Variants in SEMA3B observed in about 807,000 individuals in gnomAD.
SEMA3B encodes semaphorin 3B.
Under a neutral mutation model 77.8 loss-of-function variants are expected in SEMA3B, and 71 were observed. That is an observed-to-expected ratio of 0.91 (90% CI 0.75 to 1.11). The LOEUF is 1.11. Ranked by LOEUF, SEMA3B falls within the 50% of genes most tolerant of loss-of-function variation. The probability of loss-of-function intolerance (pLI) is 0.00; values close to 1 mark genes in which losing one functional copy is unlikely to be tolerated. For synonymous variants in SEMA3B, 470 were observed against 452.9 expected (o/e 1.04, Z -0.48); for missense variants, 968 against 1,056.8 (o/e 0.92, Z 1.17).
In SEMA3B at chr3:50,275,884, A is replaced by AC; in HGVS notation, c.1845+45dup. The AC allele has an allele frequency of 6.6e-7, 1 of 1,509,152 alleles. No homozygotes were observed. Among genetic ancestry groups the AC allele is most frequent in the African/African-American group, 1.6e-5 (1 of 62,028 alleles). 93.5% of individuals were successfully genotyped at this position (1,509,152 alleles called of 1,614,324 possible). A position where few individuals can be genotyped will look rare whatever the true frequency, so the allele number is the denominator to read the frequency against. Reference sequence around the variant, plus strand: ...GCCCTCCCCGCCAGGCTCCTGTCCCACCCCCTGCATCCAGGAGAGGCCCCG... The same window carrying AC: ...GCCCTCCCCGCCAGGCTCCTGTCCCACCCCCCTGCATCCAGGAGAGGCCCCG... On this transcript the variant is annotated intron_variant, in intron 16 of 16. Transcript: ENST00000616701. The surrounding 1 kb of genome is among the most constrained non-coding windows in gnomAD (Gnocchi z 7.5).
Position 50,270,641 on chromosome 3 carries a change from G to A in SEMA3B, c.330+146G>A. ...GCTGAGGTCTGGGGGTGGTGAGTCA[G>A]GGTGGGGGCTCGTGTAATTCTTCTG... On this transcript the variant is annotated intron_variant, in intron 3 of 16. Transcript: ENST00000616701. The surrounding 1 kb of genome is among the most constrained non-coding windows in gnomAD (Gnocchi z 4.7). 1 of 1,210,196 alleles carries A rather than the reference G, an allele frequency of 8.3e-7. No individual in the cohort carries two copies. The highest frequency in any genetic ancestry group is 1.2e-6 in the Non-Finnish European group (1 of 868,560). 75.0% of individuals were successfully genotyped at this position (1,210,196 alleles called of 1,614,324 possible).
rs782665879 is a variant in SEMA3B at position 50,274,618 on chromosome 3, G to T, written c.1357+36G>T. ...CTCCACAGCGACCCCCAGGCTCCCA[G>T]CCAGGCCCTGTGGGCTGCTGATGGA... On this transcript the variant is annotated intron_variant, in intron 11 of 16. Transcript: ENST00000616701. The surrounding 1 kb of genome is among the most constrained non-coding windows in gnomAD (Gnocchi z 4.7). The T allele has an allele frequency of 8.6e-6, 13 of 1,514,530 alleles. No homozygotes were observed. In the Admixed American group the frequency reaches 2.6e-4, roughly 30 times the overall value. The allele number at this position is 1,514,530 out of a possible 1,614,324, so 93.8% of individuals were successfully genotyped here. A position where few individuals can be genotyped will look rare whatever the true frequency, so the allele number is the denominator to read the frequency against.
chr3:50,272,609 G>A (rs147199878), intron 6 of SEMA3B, among the ~76,000 whole-genome samples: 2 of 152,148 alleles, frequency 1.3e-5, no homozygotes, highest in African/African-American at 4.8e-5. Flanking sequence ...TACTCAGGAG[G>A]CTGAGGCAGG....
Position 50,275,633 on chromosome 3 carries a change from C to T in SEMA3B, c.1705+18C>T, listed in dbSNP as rs1553706458. 1 of 1,613,684 alleles carries T rather than the reference C, an allele frequency of 6.2e-7. No homozygotes were observed. Among genetic ancestry groups the T allele is most frequent in the Non-Finnish European group, 8.5e-7 (1 of 1,179,786 alleles). ...CTCCGGAGGTGAGTGCCCCAGCTGC[C>T]CCTACCCTCAGCCCCAGAAGACGCC... On this transcript the variant is annotated intron_variant, in intron 15 of 16. Coordinates refer to ENST00000616701, the MANE Select transcript of SEMA3B (RefSeq NM_001290060.2). This position sits in a 1 kb window ranked among gnomAD's most constrained non-coding sequence, Gnocchi z 7.5.
Position 50,276,230 on chromosome 3 carries a change from C to T in SEMA3B, c.1846-72C>T. On this transcript the variant is annotated intron_variant, in intron 16 of 16. Transcript: ENST00000616701. The surrounding 1 kb of genome is among the most constrained non-coding windows in gnomAD (Gnocchi z 5.8). ...GCTCCCAATGACTCTTTGCTTCTTCCGTCGCGTGCTAGGGCCCGGAAGCCC... is the reference window on the plus strand; with the variant it reads ...GCTCCCAATGACTCTTTGCTTCTTCTGTCGCGTGCTAGGGCCCGGAAGCCC... The T allele has an allele frequency of 2.1e-6, 3 of 1,422,056 alleles. No individual in the cohort carries two copies. Among genetic ancestry groups the T allele is most frequent in the Non-Finnish European group, 2.7e-6 (3 of 1,092,336 alleles). The allele number at this position is 1,422,056 out of a possible 1,614,324, so 88.1% of individuals were successfully genotyped here.
chr3:50,275,762 C>G lies in SEMA3B; in HGVS notation c.1763C>G (p.Ala588Gly). Residue 588 changes from alanine (A) to glycine (G), a missense_variant, in exon 16 of 17, where the codon GCC becomes GGC. Ala to Gly is a moderately conservative substitution (Grantham distance 60, BLOSUM62 0). Transcript: ENST00000616701. The surrounding 1 kb of genome is among the most constrained non-coding windows in gnomAD (Gnocchi z 7.5). ...GTGTTCGGCGTGGAGGGCAGCAGCG[C>G]CTTTCTGGAGTGTGAGCCCCGCTCG... Reference protein sequence around the residue: ...HKVFGVEGSSAFLECEPRSLQ... With the variant: ...HKVFGVEGSSGFLECEPRSLQ... The G allele has an allele frequency of 6.2e-7, 1 of 1,613,172 alleles. No homozygotes were observed. Among genetic ancestry groups the G allele is most frequent in the Non-Finnish European group, 8.5e-7 (1 of 1,179,840 alleles).
upstream of SEMA3B, among the ~76,000 whole-genome samples, chr3:50,265,284 G>A (rs1463686065): frequency 6.6e-6 from 1 of 152,208 alleles, no homozygotes; most frequent in Non-Finnish European, 1.5e-5. Flanking sequence ...GAACAAGGAA[G>A]AGTTGTGACG....
Position 50,274,274 on chromosome 3 carries a change from T to G in SEMA3B, c.1138-89T>G. ...GGGCAGGGTTCTGTCCCCATCCCCC[T>G]CCATGTTCCCAGAGGCTGGGCATGG... On this transcript the variant is annotated intron_variant, in intron 10 of 16. Transcript: ENST00000616701. The surrounding 1 kb of genome is among the most constrained non-coding windows in gnomAD (Gnocchi z 4.7). 8.1e-7 allele frequency: 1 copy of G among 1,241,784 alleles called. No individual in the cohort carries two copies. Among genetic ancestry groups the G allele is most frequent in the Non-Finnish European group, 1.1e-6 (1 of 896,378 alleles). 76.9% of individuals were successfully genotyped at this position (1,241,784 alleles called of 1,614,324 possible). A position where few individuals can be genotyped will look rare whatever the true frequency, so the allele number is the denominator to read the frequency against.
chr3:50,272,835 C>CA (rs1701088627), intron 6 of SEMA3B, among the ~76,000 whole-genome samples: 1 of 85,728 alleles, frequency 1.2e-5, no homozygotes, highest in Non-Finnish European at 2.2e-5. Flanking sequence ...GAGACTGTCT[C>CA]AAAAAATAAA....
At chr3:50,261,487 CAGAG>C in the SEMA3B span, 1 of 152,612 alleles carries the variant, frequency 6.6e-6, no homozygotes, top group Non-Finnish European at 1.5e-5. Context: ...CTTTCAGAGT[CAGAG>C]AGGCCTGAGA....
In SEMA3B at chr3:50,274,357, C is replaced by A. The variant is rs782738804; in HGVS notation, c.1138-6C>A. The A allele has an allele frequency of 6.7e-7, 1 of 1,492,782 alleles. No homozygotes were observed. The allele number at this position is 1,492,782 out of a possible 1,614,324, so 92.5% of individuals were successfully genotyped here. ...CCTGCTGTGCCTCCCTTTCCCCCACCCCCAGTGCCCCAGCAAGACCTTTGG... is the reference window on the plus strand; with the variant it reads ...CCTGCTGTGCCTCCCTTTCCCCCACACCCAGTGCCCCAGCAAGACCTTTGG... On this transcript the variant is annotated splice_region_variant and splice_polypyrimidine_tract_variant and intron_variant, in intron 10 of 16. Transcript: ENST00000616701. This position sits in a 1 kb window ranked among gnomAD's most constrained non-coding sequence, Gnocchi z 4.7.
At position 50,274,638 on chromosome 3, in the gene SEMA3B, G is replaced by T. The variant is rs1182597162; in HGVS notation, c.1357+56G>T. ...TCCCAGCCAGGCCCTGTGGGCTGCT[G>T]ATGGAAGCTCTCCCTGTTCAGTCCC... On this transcript the variant is annotated intron_variant, in intron 11 of 16. Coordinates refer to ENST00000616701, the MANE Select transcript of SEMA3B (RefSeq NM_001290060.2). The surrounding 1 kb of genome is among the most constrained non-coding windows in gnomAD (Gnocchi z 4.7). The T allele has an allele frequency of 1.3e-6, 2 of 1,504,606 alleles. No homozygotes were observed. The highest frequency in any genetic ancestry group is 1.8e-6 in the Non-Finnish European group (2 of 1,119,118). 93.2% of individuals were successfully genotyped at this position (1,504,606 alleles called of 1,614,324 possible). A position where few individuals can be genotyped will look rare whatever the true frequency, so the allele number is the denominator to read the frequency against.
At position 50,276,275 on chromosome 3, in the gene SEMA3B, C is replaced by G. The variant is rs1553706671; in HGVS notation, c.1846-27C>G. On this transcript the variant is annotated intron_variant, in intron 16 of 16. Transcript: ENST00000616701. This position sits in a 1 kb window ranked among gnomAD's most constrained non-coding sequence, Gnocchi z 5.8. ...AAGCCCTGTTCCCGGCCCGACACCC[C>G]CGCCTCACGCTGCCCTCTGCCCGCA... 1 of 1,455,576 alleles carries G rather than the reference C, an allele frequency of 6.9e-7. No homozygotes were observed. The highest frequency in any genetic ancestry group is 2.5e-5 in the Admixed American group (1 of 39,812). 90.2% of individuals were successfully genotyped at this position (1,455,576 alleles called of 1,614,324 possible). A position where few individuals can be genotyped will look rare whatever the true frequency, so the allele number is the denominator to read the frequency against.
Position 50,277,117 on chromosome 3 carries a change from A to T in SEMA3B, c.*411A>T. 1 of 189,210 alleles carries T rather than the reference A, an allele frequency of 5.3e-6. No individual in the cohort carries two copies. Among genetic ancestry groups the T allele is most frequent in the South Asian group, 1.8e-4 (1 of 5,562 alleles). 11.7% of individuals were successfully genotyped at this position (189,210 alleles called of 1,614,324 possible). A position where few individuals can be genotyped will look rare whatever the true frequency, so the allele number is the denominator to read the frequency against. On this transcript the variant is annotated 3_prime_UTR_variant, in exon 17 of 17. Coordinates refer to ENST00000616701, the MANE Select transcript of SEMA3B (RefSeq NM_001290060.2). ...GAGGCAGGCCGACTGTACTAAAGTA[A>T]CGCAATAAACGCATTATCAGCCAAA...
rs185948567 is a variant in SEMA3B at position 50,271,220 on chromosome 3, A to G, written c.544+39A>G. 1.2e-5 allele frequency: 18 copies of G among 1,550,968 alleles called. No individual in the cohort carries two copies. In the African/African-American group the frequency reaches 2.2e-4, roughly 19 times the overall value. On this transcript the variant is annotated intron_variant, in intron 5 of 16. Transcript: ENST00000616701. ...CTAAGGCCCCAAGAGAACCCCTTAG[A>G]AACTCTAGAACCTCACAAAGTCCCA... is the stretch of plus-strand genomic sequence containing the variant.
At position 50,273,111 on chromosome 3, in the gene SEMA3B, C is replaced by T; in HGVS notation, c.665-187C>T. Reference sequence around the variant, plus strand: ...GCCCCCTCGCGGCTGCTTCTTGCCTCGCAGGCCCTGATCCTTTGGATTCGG... The same window carrying T: ...GCCCCCTCGCGGCTGCTTCTTGCCTTGCAGGCCCTGATCCTTTGGATTCGG... On this transcript the variant is annotated intron_variant, in intron 6 of 16. Transcript: ENST00000616701. This position sits in a 1 kb window ranked among gnomAD's most constrained non-coding sequence, Gnocchi z 6.5. The T allele has an allele frequency of 8.5e-6, 8 of 945,502 alleles. No individual in the cohort carries two copies. Among genetic ancestry groups the T allele is most frequent in the Non-Finnish European group, 1.2e-5 (8 of 656,030 alleles). 58.6% of individuals were successfully genotyped at this position (945,502 alleles called of 1,614,324 possible).
At position 50,273,004 on chromosome 3, in the gene SEMA3B, A is replaced by C; in HGVS notation, c.665-294A>C. ...CCTCATCTCCCTCCTACCCCAGCCT[A>C]AGGTGCTGGGCGACGTGTGGGGCGA... On this transcript the variant is annotated intron_variant, in intron 6 of 16. Transcript: ENST00000616701. This position sits in a 1 kb window ranked among gnomAD's most constrained non-coding sequence, Gnocchi z 6.5. 1 of 388,674 alleles carries C rather than the reference A, an allele frequency of 2.6e-6. No homozygotes were observed. The allele number at this position is 388,674 out of a possible 1,614,324, so 24.1% of individuals were successfully genotyped here.
intron 6 of SEMA3B, among the ~76,000 whole-genome samples, chr3:50,272,047 C>A (rs1253427788): frequency 6.6e-6 from 1 of 152,098 alleles, no homozygotes; most frequent in Non-Finnish European, 1.5e-5. Context: ...GAGGCTGAGG[C>A]AGACAGATTG....
In SEMA3B at chr3:50,275,439, C is replaced by T. The variant is rs781823862; in HGVS notation, c.1629C>T (p.Arg543=). 1.2e-6 allele frequency: 2 copies of T among 1,607,208 alleles called. No individual in the cohort carries two copies. Residue 543 remains arginine, a synonymous_variant, in exon 14 of 17, where the codon CGC becomes CGT. Transcript: ENST00000616701. The surrounding 1 kb of genome is among the most constrained non-coding windows in gnomAD (Gnocchi z 7.5). ...CCTGGGACGGGGTCGCGTGCACGCGCTTCCAGCCCAGTGCCAAGAGGTGGG... is the reference window on the plus strand; with the variant it reads ...CCTGGGACGGGGTCGCGTGCACGCGTTTCCAGCCCAGTGCCAAGAGGTGGG... The part of the protein sequence containing the change: ...YCAWDGVACT[R]FQPSAKRRFR...
Sources: allele counts gnomAD v4.1 joint callset (sites outside exome capture counted in the v4.1 genomes callset), GRCh38; gene constraint gnomAD v4.1.1; non-coding constraint Gnocchi (gnomAD v3.1); transcripts MANE v1.5; gene names NCBI Gene and HGNC (gene_info 2026-07-23, HGNC 2026-07-21).